USP32: variants seen among roughly 807,000 people sequenced by gnomAD.
The protein encoded by USP32 is ubiquitin carboxyl-terminal hydrolase 32.
Under a neutral mutation model 204.8 loss-of-function variants are expected in USP32, and 59 were observed. The ratio of observed to expected loss-of-function variants is 0.29; its 90% CI spans 0.23 to 0.36. The LOEUF (loss-of-function observed/expected upper bound fraction) is 0.36, where lower values mean the gene tolerates loss of function less well. Ranked by LOEUF, USP32 falls within the 10% of genes least tolerant of loss-of-function variation. The pLI is 1.00. For missense variants in USP32, 1,160 were observed against 1,946.4 expected (o/e 0.60, Z 7.60); for synonymous variants, 517 against 678.4 (o/e 0.76, Z 3.70).
chr17:60,224,767 A>T (rs567838327), intron 13 of USP32, among the ~76,000 whole-genome samples: 1 of 152,172 alleles, frequency 6.6e-6, no homozygotes, highest in African/African-American at 2.4e-5. Flanking sequence ...TGGGCAACAG[A>T]GTGACACCCT....
Position 60,384,747 on chromosome 17 carries a change from G to A in USP32, c.58+7135C>T, listed in dbSNP as rs2089700591. ...GCGGAGGTTGCAGTGAGCCGAGACT[G>A]TGCCATTGCACTCCAGCCTAGGCAA... On this transcript the variant is annotated intron_variant, in intron 1 of 33. Transcript: ENST00000300896. Among the ~76,000 whole-genome samples the A allele has an allele frequency of 2.0e-5, 3 of 151,344 alleles. No homozygotes were observed. The South Asian group carries it at 6.2e-4, about 31-fold the overall frequency.
At chr17:60,353,539 G>A (rs1197913695) in intron 1 of USP32, among the ~76,000 whole-genome samples, 2 of 152,046 alleles carry the variant, frequency 1.3e-5, no homozygotes, top group Admixed American at 6.6e-5. Flanking sequence ...CCAGGAGTTC[G>A]AGACCAGCTT....
At chr17:60,306,600 T>C (rs2087730213) in intron 2 of USP32, among the ~76,000 whole-genome samples, 1 of 151,578 alleles carries the variant, frequency 6.6e-6, no homozygotes, top group Non-Finnish European at 1.5e-5. Flanking sequence ...ATTGCACCAC[T>C]GCACTCCAGC....
intron 1 of USP32, among the ~76,000 whole-genome samples, chr17:60,352,907 T>C (rs902874712): frequency 6.6e-6 from 1 of 152,162 alleles, no homozygotes. Context: ...GTCAAAGGAC[T>C]AGAAAGAAAA....
At chr17:60,385,875 A>T (rs2089722747) in intron 1 of USP32, among the ~76,000 whole-genome samples, 1 of 151,870 alleles carries the variant, frequency 6.6e-6, no homozygotes, top group African/African-American at 2.4e-5. Context: ...AAAAAAAATT[A>T]AAAAGAGCCT....
In USP32 at chr17:60,211,477, C is replaced by T. The variant is rs753460840; in HGVS notation, c.2217G>A (p.Leu739=). ...TTGAGTTCATGAAGCATGTGTTTCC[C>T]AGATTGCTTAGACCTGTGGCTCCCT... ...TEKGATGLSN[L]GNTCFMNSSI... The change falls in exon 20 of 34, where the codon CTG becomes CTA. Residue 739 remains leucine, a synonymous_variant. Transcript: ENST00000300896. The T allele has an allele frequency of 3.7e-6, 6 of 1,613,618 alleles. No individual in the cohort carries two copies. In the African/African-American group the frequency reaches 8.0e-5, roughly 22 times the overall value.
chr17:60,367,327 A>T (rs1212427701), intron 1 of USP32, among the ~76,000 whole-genome samples: 1 of 152,090 alleles, frequency 6.6e-6, no homozygotes, highest in Admixed American at 6.6e-5. Context: ...AGGCAATATA[A>T]TGAGACCTTG....
At chr17:60,238,534 G>A (rs1457110094) in intron 11 of USP32, among the ~76,000 whole-genome samples, 1 of 151,942 alleles carries the variant, frequency 6.6e-6, no homozygotes, top group Non-Finnish European at 1.5e-5. Flanking sequence ...TGGGCGCAGT[G>A]CCTCACGCCT....
intron 11 of USP32, among the ~76,000 whole-genome samples, chr17:60,244,393 T>C (rs977044602): frequency 6.6e-6 from 1 of 152,178 alleles, no homozygotes; most frequent in Non-Finnish European, 1.5e-5. Context: ...TGTTTATATT[T>C]AAGGTAAAAA....
At chr17:60,371,980 T>C (rs2089450875) in intron 1 of USP32, among the ~76,000 whole-genome samples, 2 of 152,192 alleles carry the variant, frequency 1.3e-5, no homozygotes, top group Non-Finnish European at 2.9e-5. Context: ...ATCCTACGCA[T>C]ATGCTCATAA....
chr17:60,376,428 TAA>T (rs1034645064), intron 1 of USP32, among the ~76,000 whole-genome samples: 4 of 151,878 alleles, frequency 2.6e-5, no homozygotes, highest in African/African-American at 9.7e-5. Context: ...TTAAAAATAA[TAA>T]ATATTAATTT....
intron 2 of USP32, among the ~76,000 whole-genome samples, chr17:60,344,663 C>T (rs1598268970): frequency 6.6e-6 from 1 of 152,032 alleles, no homozygotes. Flanking sequence ...TCACTATGCC[C>T]AGGCTGGCCT....
At position 60,265,440 on chromosome 17, in the gene USP32, C is replaced by T. The variant is rs1316581080; in HGVS notation, c.962G>A (p.Gly321Asp). ...LHMDLSDIVE[G>D]ILNAHDTTKM... is the part of the protein sequence containing the mutation. ...TGTGGTGTCATGTGCATTCAGTATG[C>T]CTTCTACAATATCAGAGAGATCCAT... The change falls in exon 9 of 34, where the codon GGC becomes GAC. Residue 321 changes from glycine (G) to aspartate (D), a missense_variant. Gly to Asp is a moderately conservative substitution (Grantham distance 94, BLOSUM62 -1). Around this residue, in one of 8 missense-constraint regions of USP32, gnomAD observed 536 missense variants for 680.9 expected, o/e 0.79. Coordinates refer to ENST00000300896, the MANE Select transcript of USP32 (RefSeq NM_032582.4). 6.2e-7 allele frequency: 1 copy of T among 1,606,696 alleles called. No homozygotes were observed. Among genetic ancestry groups the T allele is most frequent in the Non-Finnish European group, 8.5e-7 (1 of 1,174,668 alleles).
chr17:60,401,863 A>C (rs937661167), intron 1 of USP32, among the ~76,000 whole-genome samples: 23 of 152,208 alleles, frequency 1.5e-4, no homozygotes, highest in Admixed American at 1.5e-3. Context: ...TCATGCAAAA[A>C]TCTAAGGGAG....
chr17:60,289,612 T>C (rs1338662648), intron 4 of USP32, among the ~76,000 whole-genome samples: 4 of 152,156 alleles, frequency 2.6e-5, no homozygotes, highest in African/African-American at 9.7e-5. Context: ...TGGAGAAAAG[T>C]ATCCAGGCTG....
chr17:60,351,013 C>T (rs2088933379), intron 1 of USP32, among the ~76,000 whole-genome samples: 1 of 151,956 alleles, frequency 6.6e-6, no homozygotes, highest in South Asian at 2.1e-4. Flanking sequence ...CCTAAGCCAA[C>T]CCAAGAAAGT....
At chr17:60,358,193 T>C (rs1335989292) in intron 1 of USP32, among the ~76,000 whole-genome samples, 1 of 152,188 alleles carries the variant, frequency 6.6e-6, no homozygotes, top group Non-Finnish European at 1.5e-5. Context: ...TGACTTAATT[T>C]TCTGTAAGCC....
chr17:60,282,429 C>G (rs546288540), intron 5 of USP32, among the ~76,000 whole-genome samples: 1 of 152,300 alleles, frequency 6.6e-6, no homozygotes, highest in East Asian at 1.9e-4. Flanking sequence ...TCTCGGCTCA[C>G]TGCAACCTCT....
chr17:60,225,662 T>A (rs1482378141), intron 13 of USP32, among the ~76,000 whole-genome samples: 3 of 151,206 alleles, frequency 2.0e-5, no homozygotes, highest in African/African-American at 7.3e-5. Context: ...TTAATAACTA[T>A]CCATGGGGAG....
Sources: allele counts gnomAD v4.1 joint callset (sites outside exome capture counted in the v4.1 genomes callset), GRCh38; gene constraint gnomAD v4.1.1; regional missense constraint gnomAD v4.1.1; transcripts MANE v1.5; gene names NCBI Gene and HGNC (gene_info 2026-07-23, HGNC 2026-07-21).